Variants in LSAMP observed in about 807,000 individuals in gnomAD.
LSAMP encodes limbic system-associated membrane protein.
LSAMP carries 7 observed loss-of-function variants against 38.6 expected under a neutral mutation model. That is an observed-to-expected ratio of 0.18 (90% CI 0.10 to 0.34). LSAMP has a LOEUF of 0.34. Among genes scored for constraint, LSAMP ranks in the 10% least tolerant of loss-of-function variants. The pLI is 1.00. For missense variants in LSAMP, 313 were observed against 420.0 expected, an observed-to-expected ratio of 0.75 and a Z score of 2.23; for synonymous variants, 154 against 166.8, an observed-to-expected ratio of 0.92 and a Z score of 0.59.
chr3:116,148,774 T>C (rs955878115), intron 1 of LSAMP, among the ~76,000 whole-genome samples: 1 of 152,002 alleles, frequency 6.6e-6, no homozygotes, highest in Admixed American at 6.6e-5. Flanking sequence ...GAGGGGCCTA[T>C]TGCAGATTCA....
At chr3:116,160,676 AAAT>A (rs2107538057) in intron 1 of LSAMP, among the ~76,000 whole-genome samples, 1 of 152,336 alleles carries the variant, frequency 6.6e-6, no homozygotes, top group South Asian at 2.1e-4. Flanking sequence ...ATTGAAAATA[AAAT>A]AAAATAAATT....
At position 116,050,366 on chromosome 3, in the gene LSAMP, C is replaced by T. The variant is rs139886828; in HGVS notation, c.389-30726G>A. Among the ~76,000 whole-genome samples, 544 of 152,162 alleles carry T rather than the reference C, an allele frequency of 3.6e-3. 4 individuals carry two copies. Among genetic ancestry groups the T allele is most frequent in the South Asian group, 0.015 (71 of 4,822 alleles). On this transcript the variant is annotated intron_variant, in intron 2 of 6. Transcript: ENST00000490035. ...ACTATCCCCCTTGATTTCCTTACCC[C>T]CTGCCTCTTGTCCAAATATTAAAAA...
intron 6 of LSAMP, among the ~76,000 whole-genome samples, chr3:115,839,037 G>A (rs1053076003): frequency 3.3e-5 from 5 of 152,102 alleles, no homozygotes; most frequent in Admixed American, 6.5e-5. Flanking sequence ...CAGTGCTTCC[G>A]TCAGGGCCGT....
rs2047161972 is a variant in LSAMP at position 116,283,977 on chromosome 3, A to G, written c.155+160900T>C. Among the ~76,000 whole-genome samples the G allele has an allele frequency of 3.3e-5, 5 of 152,106 alleles. No homozygotes were observed. The South Asian group carries it at 1.0e-3, about 32-fold the overall frequency. On this transcript the variant is annotated intron_variant, in intron 1 of 6. Coordinates refer to ENST00000490035, the MANE Select transcript of LSAMP (RefSeq NM_002338.5). ...GCCGAGGTTGCGCCACTGCACTCAA[A>G]CCTGGGTGATAGAGTGAGACTCTGT...
intron 3 of LSAMP, among the ~76,000 whole-genome samples, chr3:115,902,093 A>G (rs886588002): frequency 2.6e-5 from 4 of 152,138 alleles, no homozygotes; most frequent in East Asian, 1.9e-4. Flanking sequence ...ACTCTTGTGC[A>G]TTTTAGTTAA....
intron 3 of LSAMP, among the ~76,000 whole-genome samples, chr3:115,878,789 A>G (rs1041412289): frequency 2.0e-5 from 3 of 152,036 alleles, no homozygotes; most frequent in African/African-American, 7.2e-5. Context: ...ATAGAATTGT[A>G]ATAATAATAA....
chr3:116,075,545 G>T (rs548091324), intron 2 of LSAMP, among the ~76,000 whole-genome samples: 19 of 131,242 alleles, frequency 1.4e-4, no homozygotes, highest in South Asian at 5.0e-4. Context: ...TCACTTTATC[G>T]TTTTTTTTTT....
chr3:116,214,717 C>T (rs1374408118), intron 1 of LSAMP, among the ~76,000 whole-genome samples: 3 of 151,698 alleles, frequency 2.0e-5, no homozygotes, highest in Admixed American at 6.6e-5. Context: ...TGGCCAGGCT[C>T]GTCTCAAATT....
At chr3:115,842,962 T>A (rs1292136862) in intron 4 of LSAMP, among the ~76,000 whole-genome samples, 2 of 152,192 alleles carry the variant, frequency 1.3e-5, no homozygotes, top group Non-Finnish European at 2.9e-5. Context: ...TCTCAACATA[T>A]AATTTGACCA....
chr3:116,084,045 A>G (rs1331617368), intron 2 of LSAMP, among the ~76,000 whole-genome samples: 2 of 152,208 alleles, frequency 1.3e-5, no homozygotes, highest in East Asian at 1.9e-4. Flanking sequence ...AGTATCCTGA[A>G]TCAGACAAAC....
At chr3:116,017,482 A>G (rs914800948) in intron 3 of LSAMP, among the ~76,000 whole-genome samples, 1 of 152,158 alleles carries the variant, frequency 6.6e-6, no homozygotes, top group African/African-American at 2.4e-5. Context: ...CAAAATAAAA[A>G]TAATGGTAAG....
intron 1 of LSAMP, among the ~76,000 whole-genome samples, chr3:116,244,471 A>G (rs142059214): frequency 1.6e-4 from 24 of 152,176 alleles, no homozygotes; most frequent in Admixed American, 3.9e-4. Flanking sequence ...TCTAGTACCA[A>G]TTTAACTTCT....
At chr3:116,228,889 C>T (rs1198733294) in intron 1 of LSAMP, among the ~76,000 whole-genome samples, 1 of 152,104 alleles carries the variant, frequency 6.6e-6, no homozygotes, top group African/African-American at 2.4e-5. Flanking sequence ...TTCCTACAGG[C>T]TCTTTCAAAT....
intron 3 of LSAMP, among the ~76,000 whole-genome samples, chr3:115,992,652 T>C (rs1939704970): frequency 6.6e-6 from 1 of 152,132 alleles, no homozygotes; most frequent in Admixed American, 6.6e-5. Flanking sequence ...ATTTTGTGTA[T>C]TGATGGTCTT....
chr3:116,316,297 C>A (rs2047628518), intron 1 of LSAMP, among the ~76,000 whole-genome samples: 1 of 152,202 alleles, frequency 6.6e-6, no homozygotes, highest in South Asian at 2.1e-4. Flanking sequence ...CAACCCTATA[C>A]TCTCTACAAG....
rs184569372 is a variant in LSAMP at position 116,166,951 on chromosome 3, C to T, written c.156-80395G>A. Among the ~76,000 whole-genome samples, 307 of 151,414 alleles carry T rather than the reference C, an allele frequency of 2.0e-3. 3 individuals are homozygous for T. In the East Asian group the frequency reaches 0.025, roughly 12 times the overall value. ...GACTACAGGCGCCCGCCACCAGGCCCGGCTAATTTTTTTGTATTTTTAGTA... is the reference window on the plus strand; with the variant it reads ...GACTACAGGCGCCCGCCACCAGGCCTGGCTAATTTTTTTGTATTTTTAGTA... On this transcript the variant is annotated intron_variant, in intron 1 of 6. Transcript: ENST00000490035.
chr3:115,845,967 G>A (rs1390935381), intron 4 of LSAMP, among the ~76,000 whole-genome samples: 4 of 152,106 alleles, frequency 2.6e-5, no homozygotes, highest in African/African-American at 2.4e-5. Flanking sequence ...TATGAATACT[G>A]ATAAATATAC....
intron 1 of LSAMP, among the ~76,000 whole-genome samples, chr3:116,287,822 T>A (rs1038219753): frequency 6.6e-6 from 1 of 152,170 alleles, no homozygotes; most frequent in Non-Finnish European, 1.5e-5. Context: ...TGCCTGCTCT[T>A]ATAGAGCTGT....
chr3:115,916,758 A>T (rs1937260428), intron 3 of LSAMP, among the ~76,000 whole-genome samples: 1 of 152,246 alleles, frequency 6.6e-6, no homozygotes, highest in Admixed American at 6.5e-5. Context: ...GCAGATGGGA[A>T]AATTAAAGCT....
Sources: allele counts gnomAD v4.1 joint callset (sites outside exome capture counted in the v4.1 genomes callset), GRCh38; gene constraint gnomAD v4.1.1; transcripts MANE v1.5; gene names NCBI Gene and HGNC (gene_info 2026-07-23, HGNC 2026-07-21).